Variants in PRR12 observed in about 807,000 individuals in gnomAD.
The protein encoded by PRR12 is proline rich 12.
A neutral mutation model predicts 138.0 loss-of-function variants in PRR12; 12 were observed. That is an observed-to-expected ratio of 0.09 (90% confidence interval 0.06 to 0.14). The LOEUF is 0.14. Among genes scored for constraint, PRR12 ranks in the 10% least tolerant of loss-of-function variants. PRR12 has a pLI of 1.00. For missense variants in PRR12, 2,692 were observed against 2,861.3 expected (o/e 0.94, Z 1.35); for synonymous variants, 1,567 against 1,291.7 (o/e 1.21, Z -4.57).
rs760328451 is a variant in PRR12, at chr19:49,594,864, C to T, written c.529C>T (p.Pro177Ser). The T allele has an allele frequency of 2.5e-6, 4 of 1,611,664 alleles. No individual in the cohort carries two copies. Among genetic ancestry groups the T allele is most frequent in the Non-Finnish European group, 3.4e-6 (4 of 1,179,166 alleles). ...CAGCCTCCAGGACCCCCCATTCAGCCCTCCAGCTAACGGGCTCCTGTCCCC... is the reference window on the plus strand; with the variant it reads ...CAGCCTCCAGGACCCCCCATTCAGCTCTCCAGCTAACGGGCTCCTGTCCCC... Reference protein sequence around the residue: ...SLSLQDPPFSPPANGLLSPHD... With the variant: ...SLSLQDPPFSSPANGLLSPHD... Residue 177 changes from proline (P) to serine (S), a missense_variant, in exon 4 of 14, where the codon CCT (proline) becomes TCT (serine). Physicochemically the swap from Pro to Ser is moderately conservative, Grantham distance 74. This residue lies in a region of PRR12 where 211 missense variants were observed against 266.3 expected (regional missense o/e 0.79). Transcript: ENST00000418929. This position sits in a 1 kb window ranked among gnomAD's most constrained non-coding sequence, Gnocchi z 5.6.
chr19:49,611,115 T>G (rs912590241), intron 6 of PRR12, among the ~76,000 whole-genome samples: 8 of 151,992 alleles, frequency 5.3e-5, no homozygotes, highest in African/African-American at 1.9e-4. Flanking sequence ...GCGTTGGGAT[T>G]ACAGGCATGA....
chr19:49,596,657 C>G lies in PRR12; in HGVS notation c.2322C>G (p.Thr774=). 6.2e-7 allele frequency: 1 copy of G among 1,605,114 alleles called. No homozygotes were observed. Among genetic ancestry groups the G allele is most frequent in the Non-Finnish European group, 8.5e-7 (1 of 1,177,714 alleles). The part of the protein sequence containing the change: ...PPPPPPTAQS[T]QPTPHGLLLE... ...CCCCACCTCCCACGGCCCAGTCTAC[C>G]CAGCCCACTCCCCATGGCCTCCTTC... The change falls in exon 4 of 14, where the codon ACC becomes ACG. Residue 774 remains threonine, a synonymous_variant. Coordinates refer to ENST00000418929, the MANE Select transcript of PRR12 (RefSeq NM_020719.3). The surrounding 1 kb of genome is among the most constrained non-coding windows in gnomAD (Gnocchi z 5.6).
At chr19:49,600,764 C>T (rs533823665) in intron 5 of PRR12, among the ~76,000 whole-genome samples, 265 of 151,726 alleles carry the variant, frequency 1.7e-3, no homozygotes, top group African/African-American at 6.2e-3. Context: ...TGCAGTGGTG[C>T]GATCTTGGCT....
Position 49,595,932 on chromosome 19 carries a change from TA to T in PRR12, c.1598del (p.Tyr533SerfsTer58). 6.2e-7 allele frequency: 1 copy of T among 1,601,678 alleles called. No individual in the cohort carries two copies. The highest frequency in any genetic ancestry group is 8.5e-7 in the Non-Finnish European group (1 of 1,179,652). On this transcript the variant is annotated frameshift_variant, in exon 4 of 14. Transcript: ENST00000418929. LOFTEE classifies it high-confidence loss of function. ...GCCCACAGCCAGCCCCTCGCTCAGC[TA>T]CAGTACCGGCCATTCCCCAGCGCTC... ...GLPTASPSLS[Y>X]STGHSPALSG...
At chr19:49,607,110 A>C (rs191859326) in intron 6 of PRR12, among the ~76,000 whole-genome samples, 53 of 152,074 alleles carry the variant, frequency 3.5e-4, no homozygotes, top group African/African-American at 1.2e-3. Context: ...GCTGGGCAAC[A>C]TTGTGAGCCC....
intron 11 of PRR12, among the ~76,000 whole-genome samples, chr19:49,623,751 A>G (rs138378925): frequency 2.2e-4 from 32 of 145,402 alleles, no homozygotes; most frequent in African/African-American, 8.2e-4. Context: ...GATGGGGCCG[A>G]GAATTCTGGG....
Position 49,599,338 on chromosome 19 carries a change from A to T in PRR12, c.3745A>T (p.Thr1249Ser), listed in dbSNP as rs750319207. The T allele has an allele frequency of 6.2e-7, 1 of 1,613,158 alleles. No individual in the cohort carries two copies. The highest frequency in any genetic ancestry group is 1.3e-5 in the African/African-American group (1 of 74,924). ...CTCATCGGGTGATGCCATATCAGGC[A>T]CTGACCACAACAGCCTGGACTCGAG... Reference protein sequence around the residue: ...GTSSGDAISGTDHNSLDSSLT... With the variant: ...GTSSGDAISGSDHNSLDSSLT... Residue 1249 changes from threonine to serine, a missense_variant, in exon 5 of 14, where the codon ACT becomes TCT. Physicochemically the swap from Thr to Ser is moderately conservative, Grantham distance 58. Coordinates refer to ENST00000418929, the MANE Select transcript of PRR12 (RefSeq NM_020719.3). This position sits in a 1 kb window ranked among gnomAD's most constrained non-coding sequence, Gnocchi z 5.0.
At chr19:49,600,875 C>T (rs2080806631) in intron 5 of PRR12, among the ~76,000 whole-genome samples, 1 of 152,066 alleles carries the variant, frequency 6.6e-6, no homozygotes, top group South Asian at 2.1e-4. Flanking sequence ...CAGGCGCGCA[C>T]CACCATGCCC....
Position 49,593,454 on chromosome 19 carries a change from CCG to C in PRR12, c.199+17_199+18del. 1 of 1,397,052 alleles carries C rather than the reference CCG, an allele frequency of 7.2e-7. No homozygotes were observed. The highest frequency in any genetic ancestry group is 1.0e-6 in the Non-Finnish European group (1 of 992,314). 86.5% of individuals were successfully genotyped at this position (1,397,052 alleles called of 1,614,324 possible). ...CCACCCGGCAGGTACGGCCCCCATCCCGCCCCGCTTTGGGCTGGCCCTCCCCC... is the reference window on the plus strand; with the variant it reads ...CCACCCGGCAGGTACGGCCCCCATCCCCCCGCTTTGGGCTGGCCCTCCCCC... On this transcript the variant is annotated intron_variant, in intron 2 of 13. Coordinates refer to ENST00000418929, the MANE Select transcript of PRR12 (RefSeq NM_020719.3).
At chr19:49,618,470 C>G (rs763282200) in intron 9 of PRR12, among the ~76,000 whole-genome samples, 11 of 152,042 alleles carry the variant, frequency 7.2e-5, no homozygotes, top group Non-Finnish European at 1.3e-4. Flanking sequence ...TCACTGAAAC[C>G]TCCACCTCCT....
chr19:49,595,892 C>T lies in PRR12; in HGVS notation c.1557C>T (p.Ala519=), dbSNP rs367745046. 1.2e-6 allele frequency: 2 copies of T among 1,603,274 alleles called. No individual in the cohort carries two copies. The highest frequency in any genetic ancestry group is 2.7e-5 in the African/African-American group (2 of 74,894). ...VQGEPYPGPA[A]HSQGLPTASP... ...GCGAGCCATACCCAGGGCCAGCCGC[C>T]CACTCCCAGGGGCTGCCCACAGCCA... The change falls in exon 4 of 14, where the codon GCC becomes GCT. Residue 519 remains alanine (A), a synonymous_variant. Coordinates refer to ENST00000418929, the MANE Select transcript of PRR12 (RefSeq NM_020719.3).
intron 6 of PRR12, among the ~76,000 whole-genome samples, chr19:49,604,778 G>C (rs1203587568): frequency 2.6e-5 from 4 of 152,134 alleles, no homozygotes; most frequent in African/African-American, 9.7e-5. Context: ...CTTGATTATA[G>C]AGACTACTAG....
intron 2 of PRR12, 125 bp downstream of exon 2, chr19:49,593,564 G>C: frequency 1.7e-6 from 1 of 588,120 alleles, no homozygotes; most frequent in Admixed American, 3.2e-5. Context: ...GCCCCTTGCT[G>C]TGTCTCCTCT....
At position 49,594,156 on chromosome 19, in the gene PRR12, C is replaced by T. The variant is rs879381132; in HGVS notation, c.200-298C>T. On this transcript the variant is annotated intron_variant, in intron 2 of 13. Coordinates refer to ENST00000418929, the MANE Select transcript of PRR12 (RefSeq NM_020719.3). The surrounding 1 kb of genome is among the most constrained non-coding windows in gnomAD (Gnocchi z 5.6). ...CCTTACTGAGGACTCTGTTCTTTTG[C>T]TCCTGGCTCTTTCGCTTCTAGATTT... is the stretch of plus-strand genomic sequence containing the variant. 3.9e-5 allele frequency among the ~76,000 whole-genome samples: 6 copies of T among 152,184 alleles called. No homozygotes were observed. The highest frequency in any genetic ancestry group is 7.3e-5 in the Non-Finnish European group (5 of 68,044).
Position 49,626,014 on chromosome 19 carries a change from C to G in PRR12, c.*407C>G, listed in dbSNP as rs980479623. On this transcript the variant is annotated 3_prime_UTR_variant, in exon 14 of 14. Coordinates refer to ENST00000418929, the MANE Select transcript of PRR12 (RefSeq NM_020719.3). ...AGAGAGCTGGGGGACCCCTTCCCCC[C>G]AAGTCCCCCCTGCAGGCCAAGATCT... The G allele has an allele frequency of 1.9e-5, 3 of 156,086 alleles. No individual in the cohort carries two copies. Among genetic ancestry groups the G allele is most frequent in the African/African-American group, 7.2e-5 (3 of 41,594 alleles). The allele number at this position is 156,086 out of a possible 1,614,324, so 9.7% of individuals were successfully genotyped here.
rs1441613453 is a variant in PRR12 at position 49,626,101 on chromosome 19, T to C, written c.*494T>C. The C allele has an allele frequency of 6.6e-6, 1 of 151,952 alleles. No homozygotes were observed. Among genetic ancestry groups the C allele is most frequent in the African/African-American group, 2.4e-5 (1 of 41,360 alleles). 9.4% of individuals were successfully genotyped at this position (151,952 alleles called of 1,614,324 possible). ...TCGGGTGGGAGGGGAAAACGCATCT[T>C]GTTAATTATTTTTAATCTTATTTAT... is the stretch of plus-strand genomic sequence containing the variant. On this transcript the variant is annotated 3_prime_UTR_variant, in exon 14 of 14. Coordinates refer to ENST00000418929, the MANE Select transcript of PRR12 (RefSeq NM_020719.3).
chr19:49,599,226 G>T lies in PRR12; in HGVS notation c.3679-46G>T. 1 of 1,496,564 alleles carries T rather than the reference G, an allele frequency of 6.7e-7. No homozygotes were observed. 92.7% of individuals were successfully genotyped at this position (1,496,564 alleles called of 1,614,324 possible). A position where few individuals can be genotyped will look rare whatever the true frequency, so the allele number is the denominator to read the frequency against. On this transcript the variant is annotated intron_variant, in intron 4 of 13. Coordinates refer to ENST00000418929, the MANE Select transcript of PRR12 (RefSeq NM_020719.3). This position sits in a 1 kb window ranked among gnomAD's most constrained non-coding sequence, Gnocchi z 5.0. ...GGGGGCTGAGGGAGGATGGGACTGG[G>T]GGCCCAGGCTACTGGGCCCTCACGG... is the stretch of plus-strand genomic sequence containing the variant.
intron 6 of PRR12, among the ~76,000 whole-genome samples, chr19:49,608,278 C>T: frequency 6.6e-6 from 1 of 151,496 alleles, no homozygotes. Context: ...TCACTTGAGC[C>T]CAGGAGTTTG....
rs1359429732 is a variant in PRR12, at chr19:49,597,413, G to T, written c.3078G>T (p.Pro1026=). Reference sequence around the variant, plus strand: ...TGCCCTCCACGGTCAACGCCGAGCCGCTGGGCCTGATCCAGAGTGGCCCCC... The same window carrying T: ...TGCCCTCCACGGTCAACGCCGAGCCTCTGGGCCTGATCCAGAGTGGCCCCC... ...PELPSTVNAE[P]LGLIQSGPHQ... is the part of the protein sequence containing the mutation. Residue 1026 remains proline, a synonymous_variant, in exon 4 of 14, where the codon CCG becomes CCT. Coordinates refer to ENST00000418929, the MANE Select transcript of PRR12 (RefSeq NM_020719.3). The surrounding 1 kb of genome is among the most constrained non-coding windows in gnomAD (Gnocchi z 6.3). The T allele has an allele frequency of 6.5e-7, 1 of 1,538,122 alleles. No individual in the cohort carries two copies. The highest frequency in any genetic ancestry group is 1.2e-5 in the South Asian group (1 of 84,026).
Sources: allele counts gnomAD v4.1 joint callset (sites outside exome capture counted in the v4.1 genomes callset), GRCh38; gene constraint gnomAD v4.1.1; regional missense constraint gnomAD v4.1.1; non-coding constraint Gnocchi (gnomAD v3.1); transcripts MANE v1.5; gene names NCBI Gene and HGNC (gene_info 2026-07-23, HGNC 2026-07-21).